Variants in SAMD5 observed in about 807,000 individuals in gnomAD.
SAMD5 encodes the protein sterile alpha motif domain containing 5, also known as sterile alpha motif domain-containing protein 5.
Under a neutral mutation model 11.3 loss-of-function variants are expected in SAMD5, and 13 were observed. The ratio of observed to expected loss-of-function variants is 1.15; its 90% CI spans 0.75 to 1.83. SAMD5 has a LOEUF of 1.83. Among genes scored for constraint, SAMD5 ranks in the 40% most tolerant of loss-of-function variants. The pLI, the probability that SAMD5 is intolerant of heterozygous loss-of-function variation, is 0.00. For synonymous variants in SAMD5, 129 were observed against 111.3 expected, an observed-to-expected ratio of 1.16 and a Z score of -1.00; for missense variants, 255 against 239.1, an observed-to-expected ratio of 1.07 and a Z score of -0.44.
chr6:147,773,715 T>G, the SAMD5 span, among the ~76,000 whole-genome samples: 2 of 152,108 alleles, frequency 1.3e-5, no homozygotes, highest in Non-Finnish European at 2.9e-5. Flanking sequence ...ACCTCTCAAA[T>G]GCCCCACCGC....
At chr6:147,545,690 ATATT>A (rs1788674138) in intron 1 of SAMD5, among the ~76,000 whole-genome samples, 1 of 152,144 alleles carries the variant, frequency 6.6e-6, no homozygotes, top group Non-Finnish European at 1.5e-5. Flanking sequence ...ATGTGTGTAT[ATATT>A]TATACTCAGG....
At chr6:147,616,043 C>G (rs911216632) in intron 1 of SAMD5, among the ~76,000 whole-genome samples, 8 of 144,910 alleles carry the variant, frequency 5.5e-5, no homozygotes, top group Admixed American at 1.4e-4. Flanking sequence ...TTGCCTTAAC[C>G]TTTCTGAGGC....
chr6:147,877,910 GCT>G, the SAMD5 span, among the ~76,000 whole-genome samples: 29,068 of 78,460 alleles, frequency 0.37, 4,180 homozygotes, highest in African/African-American at 0.5. Context: ...TAGATAGATA[GCT>G]AGCTAGCTAG....
intron 1 of SAMD5, chr6:147,733,753 A>G: frequency 1.0e-6 from 1 of 960,974 alleles, no homozygotes; most frequent in Non-Finnish European, 1.2e-6. Flanking sequence ...GAAATTCTTC[A>G]GGCAGAAAAT....
chr6:147,876,494 A>G, the SAMD5 span, among the ~76,000 whole-genome samples: 1 of 152,220 alleles, frequency 6.6e-6, no homozygotes, highest in African/African-American at 2.4e-5. Flanking sequence ...TCAGTTCACT[A>G]AAGGCTGAGA....
At chr6:147,951,339 G>A in the SAMD5 span, among the ~76,000 whole-genome samples, 4 of 151,752 alleles carry the variant, frequency 2.6e-5, no homozygotes, top group Non-Finnish European at 5.9e-5. Flanking sequence ...CCACCAACAC[G>A]CCCGGCTAAT....
chr6:147,801,298 T>A, the SAMD5 span, among the ~76,000 whole-genome samples: 1 of 151,292 alleles, frequency 6.6e-6, no homozygotes, highest in South Asian at 2.1e-4. Context: ...AACAGCTATA[T>A]TTTTTTTTAG....
intron 1 of SAMD5, among the ~76,000 whole-genome samples, chr6:147,602,123 T>C (rs1281860980): frequency 6.6e-6 from 1 of 152,196 alleles, no homozygotes; most frequent in East Asian, 1.9e-4. Flanking sequence ...AAAAATATCC[T>C]CACACAGATT....
chr6:147,567,451 G>A lies in SAMD5; in HGVS notation c.*2995G>A, dbSNP rs887683482. The A allele has an allele frequency of 3.0e-6, 3 of 983,928 alleles. No homozygotes were observed. The highest frequency in any genetic ancestry group is 6.1e-5 in the Admixed American group (1 of 16,274). 60.9% of individuals were successfully genotyped at this position (983,928 alleles called of 1,614,324 possible). A position where few individuals can be genotyped will look rare whatever the true frequency, so the allele number is the denominator to read the frequency against. On this transcript the variant is annotated 3_prime_UTR_variant, in exon 2 of 2. Coordinates refer to ENST00000367474, the MANE Select transcript of SAMD5 (RefSeq NM_001030060.3). Reference sequence around the variant, plus strand: ...TATTTTCCTGCGGTGAATCTGTTAAGGATGTAAGCTATAGTGTAGCTTGGG... The same window carrying A: ...TATTTTCCTGCGGTGAATCTGTTAAAGATGTAAGCTATAGTGTAGCTTGGG...
chr6:147,885,188 G>T, the SAMD5 span, among the ~76,000 whole-genome samples: 2 of 152,078 alleles, frequency 1.3e-5, no homozygotes, highest in Non-Finnish European at 2.9e-5. Context: ...GCCAGGTGTG[G>T]TCACTCACAC....
the SAMD5 span, among the ~76,000 whole-genome samples, chr6:147,827,104 A>G: frequency 6.6e-6 from 1 of 152,206 alleles, no homozygotes; most frequent in Admixed American, 6.5e-5. Context: ...GGTTAAAGGA[A>G]TTAGAACAAG....
At chr6:147,939,376 AG>A in the SAMD5 span, among the ~76,000 whole-genome samples, 1 of 152,138 alleles carries the variant, frequency 6.6e-6, no homozygotes, top group East Asian at 1.9e-4. Context: ...TGGGTGTGGA[AG>A]GGAAGGTTGG....
intron 1 of SAMD5, among the ~76,000 whole-genome samples, chr6:147,654,782 A>C (rs1790541454): frequency 7.4e-6 from 1 of 135,376 alleles, no homozygotes; most frequent in African/African-American, 2.7e-5. Flanking sequence ...TTTTTCTCAA[A>C]AAAAAAAAAA....
chr6:147,936,087 G>A, the SAMD5 span, among the ~76,000 whole-genome samples: 3 of 152,104 alleles, frequency 2.0e-5, no homozygotes, highest in African/African-American at 2.4e-5. Context: ...AGAGAGTAAA[G>A]TCACAGTCAC....
chr6:147,873,260 C>T, the SAMD5 span, among the ~76,000 whole-genome samples: 3 of 151,770 alleles, frequency 2.0e-5, no homozygotes, highest in Non-Finnish European at 4.4e-5. Context: ...GCCTGTAGTC[C>T]CAGCTACTCG....
chr6:147,800,744 A>G, the SAMD5 span, among the ~76,000 whole-genome samples: 1 of 148,876 alleles, frequency 6.7e-6, no homozygotes, highest in Non-Finnish European at 1.5e-5. Context: ...TAAAAATAGC[A>G]CTAATAATAA....
the SAMD5 span, among the ~76,000 whole-genome samples, chr6:147,844,135 C>T: frequency 6.6e-6 from 1 of 152,074 alleles, no homozygotes; most frequent in African/African-American, 2.4e-5. Flanking sequence ...GGAACTCAAA[C>T]TACTCAATAA....
Position 147,569,774 on chromosome 6 carries a change from A to G in SAMD5, c.*5318A>G, listed in dbSNP as rs918088020. On this transcript the variant is annotated 3_prime_UTR_variant, in exon 2 of 2. Coordinates refer to ENST00000367474, the MANE Select transcript of SAMD5 (RefSeq NM_001030060.3). ...TGTGCATGGGCCTTGGAAAATCTAC[A>G]TGTGTATATCTGAGTAGCGAAGCAC... The G allele has an allele frequency of 3.0e-6, 3 of 985,330 alleles. No individual in the cohort carries two copies. The highest frequency in any genetic ancestry group is 3.5e-5 in the African/African-American group (2 of 57,244). 61.0% of individuals were successfully genotyped at this position (985,330 alleles called of 1,614,324 possible). A position where few individuals can be genotyped will look rare whatever the true frequency, so the allele number is the denominator to read the frequency against.
chr6:147,890,769 CAG>C, the SAMD5 span, among the ~76,000 whole-genome samples: 5 of 149,626 alleles, frequency 3.3e-5, no homozygotes, highest in African/African-American at 1.2e-4. Flanking sequence ...TTTTTTTTAA[CAG>C]AAGTTAAATA....
Sources: allele counts gnomAD v4.1 joint callset (sites outside exome capture counted in the v4.1 genomes callset), GRCh38; gene constraint gnomAD v4.1.1; transcripts MANE v1.5; gene names NCBI Gene and HGNC (gene_info 2026-07-23, HGNC 2026-07-21).